The following ATRX variants were observed in gnomAD, a reference collection of about 807,000 sequenced individuals.
The protein encoded by ATRX is ATRX chromatin remodeler.
In ATRX, 12 loss-of-function variants were observed where a neutral mutation model predicts 172.6. The observed-to-expected ratio is 0.07, with a 90% CI of 0.04 to 0.11. The LOEUF is 0.11. ATRX is among the 10% of genes least tolerant of loss of function. The probability of loss-of-function intolerance (pLI) is 1.00; values close to 1 mark genes in which losing one functional copy is unlikely to be tolerated. For synonymous variants in ATRX, 674 were observed against 594.7 expected (o/e 1.13, Z -1.94); for missense variants, 1,368 against 1,767.4 (o/e 0.77, Z 4.05).
At chrX:77,694,455 A>G (rs1490596996) in intron 5 of ATRX, among the ~76,000 whole-genome samples, 3 of 111,191 alleles carry the variant, frequency 2.7e-5, no homozygotes, top group Non-Finnish European at 3.8e-5. Flanking sequence ...CTGTATCTAT[A>G]CTGCAGCATT....
At chrX:77,511,720 GAAGA>G (rs1557036638) in intron 34 of ATRX, among the ~76,000 whole-genome samples, 1 of 111,852 alleles carries the variant, frequency 8.9e-6, no homozygotes, top group South Asian at 3.7e-4. Flanking sequence ...CGATCAAGGA[GAAGA>G]AAGAATTAGT....
chrX:77,724,135 G>A (rs375685885), intron 1 of ATRX, among the ~76,000 whole-genome samples: 2 of 109,969 alleles, frequency 1.8e-5, no homozygotes, highest in African/African-American at 3.3e-5. Context: ...AAAATTAGCC[G>A]GGCCTGGTGG....
chrX:77,726,849 G>A (rs1217605873), intron 1 of ATRX, among the ~76,000 whole-genome samples: 1 of 109,457 alleles, frequency 9.1e-6, no homozygotes, highest in Non-Finnish European at 1.9e-5. Context: ...AAAACTATAG[G>A]CCATGATCAT....
At chrX:77,726,123 G>A (rs1557172685) in intron 1 of ATRX, among the ~76,000 whole-genome samples, 2 of 111,477 alleles carry the variant, frequency 1.8e-5, no homozygotes, top group Admixed American at 9.6e-5. Context: ...CCATTACTGG[G>A]TATATACCCA....
chrX:77,672,046 T>G (rs1464645048), intron 10 of ATRX, among the ~76,000 whole-genome samples: 3 of 110,828 alleles, frequency 2.7e-5, no homozygotes, highest in Non-Finnish European at 5.7e-5. Flanking sequence ...TTGCAATACT[T>G]ACCTGTGCTA....
intron 32 of ATRX, chrX:77,521,863 T>C (rs1284521946): frequency 1.9e-5 from 4 of 208,523 alleles, no homozygotes; most frequent in South Asian, 9.1e-5. Flanking sequence ...TTTCATAATA[T>C]TGGGCATTAT....
intron 19 of ATRX, among the ~76,000 whole-genome samples, chrX:77,624,916 A>G (rs781844918): frequency 4.5e-5 from 5 of 111,857 alleles, no homozygotes; most frequent in Non-Finnish European, 9.4e-5. Context: ...TGGAACCAAA[A>G]AAGAGCCCGC....
chrX:77,684,757 C>T (rs782745735), intron 8 of ATRX, among the ~76,000 whole-genome samples, 164 bp from the exon 9 acceptor site: 2 of 112,116 alleles, frequency 1.8e-5, no homozygotes, highest in Admixed American at 9.5e-5. Context: ...TAATTTAGGT[C>T]ATCTGCTTAC....
At chrX:77,548,684 G>A (rs2064340426) in intron 30 of ATRX, among the ~76,000 whole-genome samples, 1 of 112,527 alleles carries the variant, frequency 8.9e-6, no homozygotes, top group Admixed American at 9.4e-5. Context: ...TTAATGGAAT[G>A]TATTTCACAC....
intron 1 of ATRX, among the ~76,000 whole-genome samples, chrX:77,725,976 C>G (rs1244517427): frequency 2.7e-5 from 3 of 111,687 alleles, no homozygotes; most frequent in African/African-American, 9.8e-5. Context: ...GGAAACAACA[C>G]ATGCTGGAGA....
rs1180702852 is a variant in ATRX at position 77,519,948 on chromosome X, T to C, written c.7200+840A>G. ...GAATAAACAAAGAATATGTGGTACA[T>C]ATATACAATGGAGTACTATTCAGCC... On this transcript the variant is annotated intron_variant, in intron 34 of 34. Transcript: ENST00000373344. 4.5e-5 allele frequency among the ~76,000 whole-genome samples: 5 copies of C among 112,291 alleles called. No individual in the cohort carries two copies. The Admixed American group carries it at 4.7e-4, about 11-fold the overall frequency.
At chrX:77,650,144 T>C (rs2069139292) in intron 15 of ATRX, among the ~76,000 whole-genome samples, 1 of 111,844 alleles carries the variant, frequency 8.9e-6, no homozygotes, top group Non-Finnish European at 1.9e-5. Context: ...CGTAATACTA[T>C]GTGGAAATGC....
chrX:77,523,387 T>C lies in ATRX; in HGVS notation c.6714A>G (p.Ala2238=), dbSNP rs782537235. The C allele has an allele frequency of 1.7e-6, 2 of 1,207,278 alleles. No homozygotes were observed. Among genetic ancestry groups the C allele is most frequent in the South Asian group, 3.5e-5 (2 of 56,737 alleles). ...GTTCTTTATGTATCTGAAGGAGCTC[T>C]GCAAGTATGGTATCCTGTTTAGAGG... ...TPMLPKDTIL[A]ELLQIHKEHI... Residue 2238 remains alanine (A), a synonymous_variant, in exon 31 of 35, where the codon GCA becomes GCG. Coordinates refer to ENST00000373344, the MANE Select transcript of ATRX (RefSeq NM_000489.6).
intron 1 of ATRX, among the ~76,000 whole-genome samples, chrX:77,784,276 T>C (rs2076661687): frequency 8.9e-6 from 1 of 112,140 alleles, no homozygotes; most frequent in Non-Finnish European, 1.9e-5. Context: ...TCATCAAGAT[T>C]ATAAAGAACG....
Position 77,682,178 on chromosome X carries a change from A to G in ATRX, c.3078T>C (p.Cys1026=). 1 of 1,211,208 alleles carries G rather than the reference A, an allele frequency of 8.3e-7. No individual in the cohort carries two copies. The highest frequency in any genetic ancestry group is 1.1e-6 in the Non-Finnish European group (1 of 895,192). Residue 1026 remains cysteine (C), a synonymous_variant, in exon 9 of 35, where the codon TGT becomes TGC. Coordinates refer to ENST00000373344, the MANE Select transcript of ATRX (RefSeq NM_000489.6). ...TEKLPEREEI[C]HFPKGIKQIK... is the part of the protein sequence containing the mutation. ...TTTGTTTTATGCCCTTAGGAAAATGACAAATTTCTTCTCGCTCAGGTAACT... is the reference window on the plus strand; with the variant it reads ...TTTGTTTTATGCCCTTAGGAAAATGGCAAATTTCTTCTCGCTCAGGTAACT...
In ATRX at chrX:77,590,348, C is replaced by T. The variant is rs781910679; in HGVS notation, c.6111-408G>A. On this transcript the variant is annotated intron_variant, in intron 26 of 34. Coordinates refer to ENST00000373344, the MANE Select transcript of ATRX (RefSeq NM_000489.6). ...CTTGGTAGCCGGGCGCAGTGGCTCACGCCTGTAATCCCAGCATTTTGGGAG... is the reference window on the plus strand; with the variant it reads ...CTTGGTAGCCGGGCGCAGTGGCTCATGCCTGTAATCCCAGCATTTTGGGAG... Among the ~76,000 whole-genome samples the T allele has an allele frequency of 9.8e-4, 109 of 110,884 alleles. 1 individual carries two copies. Among genetic ancestry groups the T allele is most frequent in the Non-Finnish European group, 1.6e-3 (84 of 52,873 alleles).
chrX:77,580,751 AG>A (rs2065798518), intron 27 of ATRX, among the ~76,000 whole-genome samples: 1 of 111,909 alleles, frequency 8.9e-6, no homozygotes. Flanking sequence ...GTAAGTACAT[AG>A]AAAAATACAG....
chrX:77,756,878 T>A (rs1557190481), intron 1 of ATRX, among the ~76,000 whole-genome samples: 1 of 109,936 alleles, frequency 9.1e-6, no homozygotes, highest in African/African-American at 3.3e-5. Context: ...CACTGCCTCC[T>A]GGGTTCAAGC....
chrX:77,646,697 G>A (rs1298298778), intron 15 of ATRX, among the ~76,000 whole-genome samples: 8 of 111,190 alleles, frequency 7.2e-5, no homozygotes, highest in African/African-American at 2.0e-4. Context: ...AAGGCAGGAG[G>A]ATCACTTGAG....
Sources: gnomAD v4.1 joint callset for allele counts (sites outside exome capture counted in the v4.1 genomes callset) on GRCh38, gnomAD v4.1.1 for gene constraint, MANE v1.5 for transcripts, NCBI Gene and HGNC (gene_info 2026-07-23, HGNC 2026-07-21) for gene names.